The following AFF2 variants were observed in gnomAD, a reference collection of about 807,000 sequenced individuals.
The protein encoded by AFF2 is AF4/FMR2 family member 2.
Under a neutral mutation model 76.9 loss-of-function variants are expected in AFF2, and 14 were observed. The observed-to-expected ratio is 0.18, with a 90% confidence interval of 0.12 to 0.28. The LOEUF is 0.28. AFF2 is among the 10% of genes least tolerant of loss of function. The pLI, the probability that AFF2 is intolerant of heterozygous loss-of-function variation, is 1.00. For synonymous variants in AFF2, 398 were observed against 366.7 expected (o/e 1.09, Z -0.98); for missense variants, 868 against 1,001.1 (o/e 0.87, Z 1.79).
At chrX:148,527,470 CAGTT>C (rs368212817) in intron 1 of AFF2, among the ~76,000 whole-genome samples, 126 of 111,172 alleles carry the variant, frequency 1.1e-3, no homozygotes, top group Middle Eastern at 4.7e-3. Flanking sequence ...ATTATTGAGA[CAGTT>C]GGTGAAATCT....
At chrX:148,724,159 C>T (rs2124544882) in intron 3 of AFF2, among the ~76,000 whole-genome samples, 1 of 110,513 alleles carries the variant, frequency 9.0e-6, no homozygotes, top group South Asian at 3.8e-4. Flanking sequence ...CTCATGATGG[C>T]CATGGGATTT....
intron 1 of AFF2, among the ~76,000 whole-genome samples, chrX:148,547,568 G>A (rs1232258651): frequency 2.7e-5 from 3 of 112,095 alleles, no homozygotes; most frequent in Non-Finnish European, 5.6e-5. Context: ...GCTAGGGATC[G>A]TATATACCTT....
chrX:148,795,832 AATATATATATATATATAT>A (rs1169188980), intron 3 of AFF2, among the ~76,000 whole-genome samples: 506 of 15,526 alleles, frequency 0.033, 20 homozygotes, highest in African/African-American at 0.078. Flanking sequence ...AAAAAAAAAA[AATATATATATATATATAT>A]ATATATATAT....
chrX:148,876,476 G>C (rs1290414598), intron 7 of AFF2, among the ~76,000 whole-genome samples: 7 of 111,823 alleles, frequency 6.3e-5, no homozygotes, highest in African/African-American at 2.3e-4. Flanking sequence ...GACCCAACAT[G>C]TTACATGATG....
intron 1 of AFF2, among the ~76,000 whole-genome samples, chrX:148,636,615 G>A (rs1474514787): frequency 1.8e-5 from 2 of 112,087 alleles, no homozygotes; most frequent in East Asian, 2.8e-4. Flanking sequence ...TGAACAGTAT[G>A]TGTTAATAAG....
At chrX:148,640,593 T>A (rs1054283473) in intron 1 of AFF2, among the ~76,000 whole-genome samples, 1 of 112,555 alleles carries the variant, frequency 8.9e-6, no homozygotes, top group Non-Finnish European at 1.9e-5. Context: ...CTGAGACTGA[T>A]AACTAATCAT....
chrX:148,765,171 C>A (rs781824099), intron 3 of AFF2, among the ~76,000 whole-genome samples: 3 of 112,119 alleles, frequency 2.7e-5, no homozygotes, highest in Non-Finnish European at 5.6e-5. Context: ...CAGGCATGAG[C>A]CACCATGCCC....
At chrX:148,844,691 G>A (rs1000421101) in intron 7 of AFF2, among the ~76,000 whole-genome samples, 2 of 111,195 alleles carry the variant, frequency 1.8e-5, no homozygotes, top group Admixed American at 1.9e-4. Flanking sequence ...AAAAAAACTG[G>A]GAATGACTCC....
intron 7 of AFF2, among the ~76,000 whole-genome samples, chrX:148,848,758 G>A (rs1021382314): frequency 8.9e-6 from 1 of 112,251 alleles, no homozygotes; most frequent in African/African-American, 3.2e-5. Flanking sequence ...TGATAAACTG[G>A]TAATCTTGGT....
At chrX:148,629,262 T>C (rs1026625174) in intron 1 of AFF2, among the ~76,000 whole-genome samples, 3 of 111,320 alleles carry the variant, frequency 2.7e-5, no homozygotes, top group Non-Finnish European at 1.9e-5. Flanking sequence ...GTAAATATTA[T>C]GTGCTTCTAA....
At chrX:148,602,296 T>C (rs1361532597) in intron 1 of AFF2, among the ~76,000 whole-genome samples, 10 of 111,402 alleles carry the variant, frequency 9.0e-5, no homozygotes, top group Non-Finnish European at 5.7e-5. Flanking sequence ...GGGACAGATA[T>C]TGTACAGCCT....
intron 7 of AFF2, among the ~76,000 whole-genome samples, chrX:148,866,338 C>T (rs1557276852): frequency 1.8e-5 from 2 of 111,599 alleles, no homozygotes. Context: ...TTTGTCCCTG[C>T]TTAAAGAAGC....
rs1412485268 is a variant in AFF2, at chrX:148,704,482, A to G, written c.1041+41714A>G. On this transcript the variant is annotated intron_variant, in intron 3 of 20. Coordinates refer to ENST00000370460, the MANE Select transcript of AFF2 (RefSeq NM_002025.4). Reference sequence around the variant, plus strand: ...TGTGTATATATTTATATATATGTGTATATATATATTTATATATATGTGTAT... The same window carrying G: ...TGTGTATATATTTATATATATGTGTGTATATATATTTATATATATGTGTAT... Among the ~76,000 whole-genome samples the G allele has an allele frequency of 8.1e-4, 70 of 86,690 alleles. 1 individual carries two copies. Among genetic ancestry groups the G allele is most frequent in the African/African-American group, 2.1e-3 (39 of 18,607 alleles). The allele number at this position is 86,690 out of a possible 115,157, so 75.3% of individuals were successfully genotyped here. A position where few individuals can be genotyped will look rare whatever the true frequency, so the allele number is the denominator to read the frequency against.
At position 148,829,689 on chromosome X, in the gene AFF2, C is replaced by A. The variant is rs148046805; in HGVS notation, c.1087-7958C>A. ...TGTATGATTATCTGATTAGGTAAAG[C>A]AGTACAGATGATTCACAACACCCAC... On this transcript the variant is annotated intron_variant, in intron 4 of 20. Coordinates refer to ENST00000370460, the MANE Select transcript of AFF2 (RefSeq NM_002025.4). Among the ~76,000 whole-genome samples, 14 of 112,165 alleles carry A rather than the reference C, an allele frequency of 1.2e-4. No homozygotes were observed. The East Asian group carries it at 3.9e-3, about 32-fold the overall frequency.
intron 1 of AFF2, among the ~76,000 whole-genome samples, chrX:148,543,107 G>T (rs534028706): frequency 1.8e-5 from 2 of 111,465 alleles, no homozygotes; most frequent in African/African-American, 6.5e-5. Flanking sequence ...GTAGACCCTG[G>T]TATTCAAAAG....
At chrX:148,763,838 G>A (rs946519830) in intron 3 of AFF2, among the ~76,000 whole-genome samples, 8 of 111,654 alleles carry the variant, frequency 7.2e-5, no homozygotes, top group African/African-American at 2.0e-4. Flanking sequence ...GGTGCCAGTC[G>A]GAAGCATAGC....
chrX:148,518,732 A>G (rs2052564582), intron 1 of AFF2, among the ~76,000 whole-genome samples: 1 of 112,187 alleles, frequency 8.9e-6, no homozygotes, highest in African/African-American at 3.2e-5. Flanking sequence ...CTGAGTTTTT[A>G]TGATGCTTTA....
intron 1 of AFF2, among the ~76,000 whole-genome samples, chrX:148,634,274 C>T (rs782133216): frequency 1.9e-4 from 21 of 111,556 alleles, no homozygotes; most frequent in Admixed American, 2.9e-4. Flanking sequence ...ACTGAAACTC[C>T]TTATTATCAA....
Position 148,980,807 on chromosome X carries a change from A to C in AFF2, c.3623+17A>C. The C allele has an allele frequency of 2.6e-6, 3 of 1,170,424 alleles. No individual in the cohort carries two copies. Among genetic ancestry groups the C allele is most frequent in the Non-Finnish European group, 3.5e-6 (3 of 864,605 alleles). On this transcript the variant is annotated intron_variant, in intron 19 of 20. Transcript: ENST00000370460. Reference sequence around the variant, plus strand: ...CAATGGAAAGTAAGTATTTTCTGAAAATTGCTTTTTCGTGAAGATGAGTGA... The same window carrying C: ...CAATGGAAAGTAAGTATTTTCTGAACATTGCTTTTTCGTGAAGATGAGTGA...
Sources: gnomAD v4.1 joint callset for allele counts (sites outside exome capture counted in the v4.1 genomes callset) on GRCh38, gnomAD v4.1.1 for gene constraint, MANE v1.5 for transcripts, NCBI Gene and HGNC (gene_info 2026-07-23, HGNC 2026-07-21) for gene names.